Variants in GUSB observed in about 807,000 individuals in gnomAD.
GUSB encodes glucuronidase beta.
Under a neutral mutation model 74.6 loss-of-function variants are expected in GUSB, and 51 were observed. That is an observed-to-expected ratio of 0.68 (90% confidence interval 0.55 to 0.86). The LOEUF (loss-of-function observed/expected upper bound fraction) is 0.86. Among genes scored for constraint, GUSB ranks in the 40% least tolerant of loss-of-function variants. The pLI is 0.00. For synonymous variants in GUSB, 360 were observed against 348.3 expected (o/e 1.03, Z -0.37); for missense variants, 736 against 853.7 (o/e 0.86, Z 1.72).
intron 11 of GUSB, chr7:65,964,089 C>A: frequency 3.6e-6 from 2 of 554,536 alleles, no homozygotes. Flanking sequence ...TTCACTATAG[C>A]TGACTCTCCT....
chr7:65,962,445 G>A (rs139381021), intron 11 of GUSB, among the ~76,000 whole-genome samples: 2 of 152,340 alleles, frequency 1.3e-5, no homozygotes. Flanking sequence ...GTGAACACAG[G>A]CATCGCCAAG....
In GUSB at chr7:65,979,899, C is replaced by G. The variant is rs1791875511; in HGVS notation, c.409G>C (p.Val137Leu). The G allele has an allele frequency of 6.3e-7, 1 of 1,599,582 alleles. No homozygotes were observed. The highest frequency in any genetic ancestry group is 8.5e-7 in the Non-Finnish European group (1 of 1,175,008). Residue 137 changes from valine to leucine, a missense_variant, in exon 3 of 12, where the codon GTC (valine) becomes CTC (leucine). Physicochemically the swap from Val to Leu is conservative, Grantham distance 32. Coordinates refer to ENST00000304895, the MANE Select transcript of GUSB (RefSeq NM_000181.4). ...CCCCCCTCATGCTCTAGCGTGTCGA[C>G]CCCATTCACCCACTGCAGACACAGG... is the stretch of plus-strand genomic sequence containing the variant. ...HSYAIVWVNGVDTLEHEGGYL... is the reference protein window; with the variant it reads ...HSYAIVWVNGLDTLEHEGGYL...
In GUSB at chr7:65,973,920, A is replaced by C. The variant is rs1476804169; in HGVS notation, c.1391+375T>G. 2.0e-5 allele frequency among the ~76,000 whole-genome samples: 3 copies of C among 151,234 alleles called. No individual in the cohort carries two copies. In the East Asian group the frequency reaches 5.8e-4, roughly 29 times the overall value. On this transcript the variant is annotated intron_variant, in intron 8 of 11. Transcript: ENST00000304895. ...CACTCCAACCTGGGCAACCAGAGTG[A>C]GAACCCATTTTGAAAAAAAAAAACA...
intron 5 of GUSB, 131 bp from the exon 6 acceptor site, chr7:65,975,202 A>C: frequency 1.3e-6 from 1 of 795,538 alleles, no homozygotes; most frequent in East Asian, 2.6e-5. Flanking sequence ...TGCAGCAATC[A>C]GAGGTTCTGC....
intron 4 of GUSB, among the ~76,000 whole-genome samples, chr7:65,979,075 C>G (rs575051793): frequency 2.6e-5 from 4 of 152,130 alleles, no homozygotes; most frequent in South Asian, 2.1e-4. Context: ...GGCGCCCCCC[C>G]CACCGAAGCT....
chr7:65,964,488 G>A, intron 10 of GUSB, 30 bp from the exon 11 acceptor site: 7 of 1,603,332 alleles, frequency 4.4e-6, no homozygotes, highest in East Asian at 2.2e-5. Flanking sequence ...GAATGTAAGA[G>A]TCAGAACTGG....
chr7:65,967,761 A>G lies in GUSB; in HGVS notation c.1623T>C (p.Tyr541=), dbSNP rs769788461. The G allele has an allele frequency of 2.5e-6, 4 of 1,613,688 alleles. No individual in the cohort carries two copies. Among genetic ancestry groups the G allele is most frequent in the Non-Finnish European group, 8.5e-7 (1 of 1,179,960 alleles). Residue 541 remains tyrosine, a synonymous_variant, in exon 10 of 12, where the codon TAT becomes TAC. Coordinates refer to ENST00000304895, the MANE Select transcript of GUSB (RefSeq NM_000181.4). ...GAAACCCTGCAATCGTTTCTGCTCCATACTCGCTCTGAATAATGGGCTTCT... is the reference window on the plus strand; with the variant it reads ...GAAACCCTGCAATCGTTTCTGCTCCGTACTCGCTCTGAATAATGGGCTTCT... ...KYQKPIIQSE[Y]GAETIAGFHQ... is the part of the protein sequence containing the mutation.
At chr7:65,980,185 G>GGGGGGGGGGCCCCC in intron 2 of GUSB, 39 bp downstream of exon 2, 2 of 725,274 alleles carry the variant, frequency 2.8e-6, no homozygotes, top group Non-Finnish European at 2.4e-6. Context: ...CAGCAGCCGT[G>GGGGGGGGGGCCCCC]CCCCCCCACC....
Position 65,974,713 on chromosome 7 carries a change from T to G in GUSB, c.1066-9A>C. 1 of 1,612,378 alleles carries G rather than the reference T, an allele frequency of 6.2e-7. No individual in the cohort carries two copies. Among genetic ancestry groups the G allele is most frequent in the Non-Finnish European group, 8.5e-7 (1 of 1,179,928 alleles). ...AAGCCCTTCCCTCGGATCTAGGAGA[T>G]AGCAGAGCCAAGTGACCCCTGTCCC... On this transcript the variant is annotated splice_polypyrimidine_tract_variant and intron_variant, in intron 6 of 11. Coordinates refer to ENST00000304895, the MANE Select transcript of GUSB (RefSeq NM_000181.4).
rs573025383 is a variant in GUSB, at chr7:65,977,896, T to C, written c.724+1503A>G. On this transcript the variant is annotated intron_variant, in intron 4 of 11. Coordinates refer to ENST00000304895, the MANE Select transcript of GUSB (RefSeq NM_000181.4). ...TGCAATCTCAGCTCACTGCAAGCTC[T>C]GCCTCCCAGGTTCACGCCATTCTCC... Among the ~76,000 whole-genome samples, 60 of 152,248 alleles carry C rather than the reference T, an allele frequency of 3.9e-4. No individual in the cohort carries two copies. In the Middle Eastern group the frequency reaches 0.014, roughly 35 times the overall value.
intron 4 of GUSB, among the ~76,000 whole-genome samples, chr7:65,977,935 C>T (rs1276585180): frequency 4.6e-5 from 7 of 151,990 alleles, no homozygotes; most frequent in Admixed American, 2.0e-4. Flanking sequence ...CTCAGCCTCC[C>T]GAGTCGCTGG....
chr7:65,969,834 C>A (rs1791078585), intron 9 of GUSB, among the ~76,000 whole-genome samples: 2 of 152,202 alleles, frequency 1.3e-5, no homozygotes, highest in African/African-American at 4.8e-5. Context: ...GAACTCTAAG[C>A]TCCCTTAAAT....
At chr7:65,978,690 T>C (rs1301222923) in intron 4 of GUSB, among the ~76,000 whole-genome samples, 1 of 150,510 alleles carries the variant, frequency 6.6e-6, no homozygotes, top group Non-Finnish European at 1.5e-5. Flanking sequence ...GAGAATCGCT[T>C]GAACCCGGGA....
chr7:65,971,724 C>T (rs923609881), intron 8 of GUSB, among the ~76,000 whole-genome samples: 3 of 151,166 alleles, frequency 2.0e-5, no homozygotes, highest in Non-Finnish European at 4.4e-5. Context: ...AAGCAAGACT[C>T]CATCTTGCGG....
intron 11 of GUSB, 95 bp from the exon 12 acceptor site, chr7:65,961,158 ATG>A: frequency 7.9e-7 from 1 of 1,258,010 alleles, no homozygotes; most frequent in Non-Finnish European, 1.1e-6. Context: ...CTAAATAGAA[ATG>A]TCTTTTTTTT....
At chr7:65,979,246 TCA>T (rs1352758368) in intron 4 of GUSB, 151 bp downstream of exon 4, 2 of 855,402 alleles carry the variant, frequency 2.3e-6, no homozygotes, top group Non-Finnish European at 4.0e-6. Context: ...CCGTATCCGC[TCA>T]CACAGGCTGA....
Position 65,974,270 on chromosome 7 carries a change from C to T in GUSB, c.1391+25G>A, listed in dbSNP as rs113484908. The T allele has an allele frequency of 1.0e-3, 1,646 of 1,613,098 alleles. 21 individuals are homozygous for T. The African/African-American group carries it at 0.019, about 19-fold the overall frequency. On this transcript the variant is annotated intron_variant, in intron 8 of 11. Coordinates refer to ENST00000304895, the MANE Select transcript of GUSB (RefSeq NM_000181.4). The stretch of plus-strand genomic sequence containing the variant: ...TGCCAGGGTCTCCTTCCCACTCTAG[C>T]CGAGGGCAGGGAGGGAGCACTCACT...
intron 10 of GUSB, among the ~76,000 whole-genome samples, chr7:65,965,861 C>T: frequency 6.6e-6 from 1 of 152,014 alleles, no homozygotes; most frequent in East Asian, 1.9e-4. Context: ...TAGACCCTCT[C>T]AAGAGTTTCT....
chr7:65,966,161 ACT>A (rs1294646654), intron 10 of GUSB, among the ~76,000 whole-genome samples: 1 of 151,700 alleles, frequency 6.6e-6, no homozygotes. Context: ...CGAGAGCGAA[ACT>A]CTGTGTCAAA....
Sources: gnomAD v4.1 joint callset for allele counts (sites outside exome capture counted in the v4.1 genomes callset) on GRCh38, gnomAD v4.1.1 for gene constraint, MANE v1.5 for transcripts, NCBI Gene and HGNC (gene_info 2026-07-23, HGNC 2026-07-21) for gene names.